The following GNG7 variants were observed in gnomAD, a reference collection of about 807,000 sequenced individuals.
GNG7 encodes the protein guanine nucleotide-binding protein G(I)/G(S)/G(O) subunit gamma-7.
GNG7 carries 1 observed loss-of-function variant against 4.0 expected under a neutral mutation model. That is an observed-to-expected ratio of 0.25 (90% CI 0.09 to 1.18). The LOEUF (loss-of-function observed/expected upper bound fraction) is 1.18, where lower values mean the gene tolerates loss of function less well. Among genes scored for constraint, GNG7 ranks in the 50% most tolerant of loss-of-function variants. The pLI, the probability that GNG7 is intolerant of heterozygous loss-of-function variation, is 0.50. For missense variants in GNG7, 86 were observed against 91.9 expected (o/e 0.94, Z 0.26); for synonymous variants, 34 against 36.9 (o/e 0.92, Z 0.29).
At chr19:2,572,044 T>G (rs1391708660) in intron 2 of GNG7, among the ~76,000 whole-genome samples, 2 of 152,128 alleles carry the variant, frequency 1.3e-5, no homozygotes, top group Non-Finnish European at 2.9e-5. Flanking sequence ...TTCTTTGAGA[T>G]GGGGTCTCAC....
chr19:2,610,213 T>C (rs1981517925), intron 2 of GNG7: 1 of 151,686 alleles, frequency 6.6e-6, no homozygotes, highest in Non-Finnish European at 1.5e-5. Flanking sequence ...CAGACTGGAG[T>C]GCAGTGGTGC....
chr19:2,605,662 C>T (rs550362148), intron 2 of GNG7, among the ~76,000 whole-genome samples: 175 of 150,688 alleles, frequency 1.2e-3, no homozygotes, highest in African/African-American at 4.0e-3. Flanking sequence ...TACAGGCATG[C>T]GCCACCACAC....
At chr19:2,554,484 C>T (rs954276940) in intron 3 of GNG7, among the ~76,000 whole-genome samples, 1 of 149,590 alleles carries the variant, frequency 6.7e-6, no homozygotes, top group East Asian at 2.0e-4. Context: ...GCTGGGACTA[C>T]AGGCGCACGC....
At chr19:2,606,080 C>A (rs1420582753) in intron 2 of GNG7, among the ~76,000 whole-genome samples, 1 of 152,122 alleles carries the variant, frequency 6.6e-6, no homozygotes, top group African/African-American at 2.4e-5. Context: ...AGCAAGCAAG[C>A]CGCTTTTAAG....
rs547766754 is a variant in GNG7, at chr19:2,576,486, G to A, written c.-77-21298C>T. Reference sequence around the variant, plus strand: ...CAGCAGCTGGTGGCCACCCTCACACGTCTGGGAAACCAGGAACCCTTGGGA... The same window carrying A: ...CAGCAGCTGGTGGCCACCCTCACACATCTGGGAAACCAGGAACCCTTGGGA... On this transcript the variant is annotated intron_variant, in intron 2 of 4. Coordinates refer to ENST00000382159, the MANE Select transcript of GNG7 (RefSeq NM_052847.3). 7.9e-5 allele frequency among the ~76,000 whole-genome samples: 12 copies of A among 152,328 alleles called. No homozygotes were observed. The East Asian group carries it at 2.1e-3, about 27-fold the overall frequency.
intron 3 of GNG7, among the ~76,000 whole-genome samples, chr19:2,525,321 C>T (rs1978356836): frequency 6.6e-6 from 1 of 152,180 alleles, no homozygotes; most frequent in African/African-American, 2.4e-5. Context: ...CAGGCTCCTG[C>T]AGGCAGGCAA....
chr19:2,630,454 A>T (rs554201733), intron 2 of GNG7, among the ~76,000 whole-genome samples: 1 of 152,232 alleles, frequency 6.6e-6, no homozygotes, highest in South Asian at 2.1e-4. Flanking sequence ...GCCTGGTCTA[A>T]TCAGGTGACC....
chr19:2,692,682 A>G (rs947557274), intron 1 of GNG7, among the ~76,000 whole-genome samples: 11 of 150,782 alleles, frequency 7.3e-5, no homozygotes, highest in Non-Finnish European at 1.5e-4. Context: ...GGGCTTGTCA[A>G]CAAAGGTCAA....
At chr19:2,537,016 T>G (rs556253016) in intron 3 of GNG7, among the ~76,000 whole-genome samples, 2 of 151,328 alleles carry the variant, frequency 1.3e-5, no homozygotes, top group Non-Finnish European at 3.0e-5. Context: ...GTGTGATCTC[T>G]GCTCACTGCA....
chr19:2,537,468 C>T lies in GNG7; in HGVS notation c.-37-16743G>A, dbSNP rs186917864. On this transcript the variant is annotated intron_variant, in intron 3 of 4. Transcript: ENST00000382159. ...ACAGCTATGTTGCCCAGGCTGGTCTCAAGCGATCCTCCTGCCTCAGCCTCC... is the reference window on the plus strand; with the variant it reads ...ACAGCTATGTTGCCCAGGCTGGTCTTAAGCGATCCTCCTGCCTCAGCCTCC... Among the ~76,000 whole-genome samples, 342 of 152,292 alleles carry T rather than the reference C, an allele frequency of 2.2e-3. 2 individuals are homozygous for T. The highest frequency in any genetic ancestry group is 7.6e-3 in the African/African-American group (316 of 41,564).
At chr19:2,522,736 A>G (rs1333391491) in intron 3 of GNG7, among the ~76,000 whole-genome samples, 1 of 103,528 alleles carries the variant, frequency 9.7e-6, no homozygotes. Flanking sequence ...TGGGGGACAG[A>G]GTGAGACTCT....
chr19:2,671,117 C>A (rs1402478851), intron 1 of GNG7, among the ~76,000 whole-genome samples: 1 of 148,322 alleles, frequency 6.7e-6, no homozygotes, highest in Non-Finnish European at 1.5e-5. Flanking sequence ...TCTGTGGTCA[C>A]CCTGGGCACG....
intron 1 of GNG7, among the ~76,000 whole-genome samples, chr19:2,648,353 G>A (rs1308256147): frequency 1.3e-5 from 2 of 151,668 alleles, no homozygotes; most frequent in Non-Finnish European, 2.9e-5. Context: ...CTGCGATTGT[G>A]CCACTGCACT....
chr19:2,547,191 C>T (rs973704691), intron 3 of GNG7, among the ~76,000 whole-genome samples: 3 of 152,010 alleles, frequency 2.0e-5, no homozygotes, highest in African/African-American at 7.2e-5. Flanking sequence ...ACCCCTTCTC[C>T]GCACACTGGC....
intron 1 of GNG7, among the ~76,000 whole-genome samples, chr19:2,697,433 G>A (rs548165893): frequency 5.3e-5 from 8 of 152,172 alleles, no homozygotes; most frequent in East Asian, 1.9e-4. Context: ...CTCGGGGGCC[G>A]CTGTGTGACT....
At chr19:2,570,108 C>CT (rs1980100481) in intron 2 of GNG7, among the ~76,000 whole-genome samples, 1 of 152,078 alleles carries the variant, frequency 6.6e-6, no homozygotes, top group African/African-American at 2.4e-5. Context: ...AGTTCCCACT[C>CT]TGTTAGTTCA....
rs35015157 is a variant in GNG7 at position 2,635,586 on chromosome 19, A to ATTTT, written c.-78+10634_-78+10637dup. Among the ~76,000 whole-genome samples the ATTTT allele has an allele frequency of 6.2e-5, 9 of 145,476 alleles. 1 individual carries two copies. The highest frequency in any genetic ancestry group is 7.6e-5 in the African/African-American group (3 of 39,420). On this transcript the variant is annotated intron_variant, in intron 2 of 4. Transcript: ENST00000382159. The stretch of plus-strand genomic sequence containing the variant: ...ACCCAGGAGGTCTCAACTTGGGGTG[A>ATTTT]TTTTTTTTTTTTTTGAGACGGAGTC...
At chr19:2,604,972 C>T (rs1002335872) in intron 2 of GNG7, among the ~76,000 whole-genome samples, 13 of 152,294 alleles carry the variant, frequency 8.5e-5, no homozygotes, top group South Asian at 2.1e-4. Context: ...ACAAGTCACA[C>T]GGATCTGGTG....
intron 2 of GNG7, among the ~76,000 whole-genome samples, chr19:2,555,741 A>G (rs911103411): frequency 1.3e-5 from 2 of 152,074 alleles, no homozygotes; most frequent in Admixed American, 6.6e-5. Flanking sequence ...GGAGGTCAAT[A>G]GGAAGGAAAG....
Sources: allele counts gnomAD v4.1 joint callset (sites outside exome capture counted in the v4.1 genomes callset), GRCh38; gene constraint gnomAD v4.1.1; transcripts MANE v1.5; gene names NCBI Gene and HGNC (gene_info 2026-07-23, HGNC 2026-07-21).